DCUN1D2: variants seen among roughly 807,000 people sequenced by gnomAD.
The protein encoded by DCUN1D2 is defective in cullin neddylation 1 domain containing 2.
A neutral mutation model predicts 30.9 loss-of-function variants in DCUN1D2; 29 were observed. The observed-to-expected ratio is 0.94, with a 90% confidence interval of 0.70 to 1.28. The LOEUF is 1.28. Ranked by LOEUF, DCUN1D2 falls within the 50% of genes most tolerant of loss-of-function variation. DCUN1D2 has a pLI of 0.00. For synonymous variants in DCUN1D2, 121 were observed against 115.3 expected, an observed-to-expected ratio of 1.05 and a Z score of -0.32; for missense variants, 325 against 316.9, an observed-to-expected ratio of 1.03 and a Z score of -0.19.
rs183556615 is a variant in DCUN1D2 at position 113,455,957 on chromosome 13, A to T, written c.*2072T>A. On this transcript the variant is annotated 3_prime_UTR_variant, in exon 7 of 7. Coordinates refer to ENST00000478244, the MANE Select transcript of DCUN1D2 (RefSeq NM_001014283.2). The stretch of plus-strand genomic sequence containing the variant: ...GATTAATATTTTGATATCTATTGAC[A>T]ATCCCTTAGAACTTTAAATCTCAAA... 1.4e-4 allele frequency: 51 copies of T among 363,160 alleles called. No homozygotes were observed. Among genetic ancestry groups the T allele is most frequent in the African/African-American group, 9.2e-4 (44 of 48,062 alleles). The allele number at this position is 363,160 out of a possible 1,614,324, so 22.5% of individuals were successfully genotyped here.
chr13:113,460,714 G>C (rs897870753), intron 5 of DCUN1D2, among the ~76,000 whole-genome samples: 2 of 152,244 alleles, frequency 1.3e-5, no homozygotes, highest in Non-Finnish European at 2.9e-5. Context: ...GGAGTTCTCA[G>C]TGGAAAGACA....
chr13:113,480,773 T>C, intron 2 of DCUN1D2, 30 bp from the exon 3 acceptor site: 1 of 1,610,658 alleles, frequency 6.2e-7, no homozygotes. Flanking sequence ...AAAAGGAAGT[T>C]ATACTATTTT....
intron 4 of DCUN1D2, chr13:113,462,923 C>T: frequency 8.2e-7 from 1 of 1,221,748 alleles, no homozygotes; most frequent in Non-Finnish European, 1.0e-6. Context: ...AGTTTTATGG[C>T]ACACATTTAA....
At chr13:113,485,691 GCT>G (rs1156560025) in intron 1 of DCUN1D2, among the ~76,000 whole-genome samples, 3 of 151,538 alleles carry the variant, frequency 2.0e-5, no homozygotes, top group Non-Finnish European at 2.9e-5. Flanking sequence ...CAAAAAGCAT[GCT>G]GATGCCAAAA....
rs1310291084 is a variant in DCUN1D2 at position 113,480,579 on chromosome 13, G to A, written c.385C>T (p.Leu129Phe). Residue 129 changes from leucine (L) to phenylalanine (F), a missense_variant, in exon 3 of 7, where the codon CTT (leucine) becomes TTT (phenylalanine). Transcript: ENST00000478244. ...RKEFLDGMTE[L>F]GCDSMEKLKA... ...AGCTAAGAATAGTTGACTTACCCAA[G>A]TTCTGTCATGCCATCTAGAAATTCC... The A allele has an allele frequency of 3.1e-6, 5 of 1,613,824 alleles. No individual in the cohort carries two copies. The highest frequency in any genetic ancestry group is 4.2e-6 in the Non-Finnish European group (5 of 1,179,966).
chr13:113,463,629 G>C (rs2044354146), intron 4 of DCUN1D2, among the ~76,000 whole-genome samples: 1 of 151,918 alleles, frequency 6.6e-6, no homozygotes, highest in Non-Finnish European at 1.5e-5. Context: ...CATTAAAACA[G>C]AGCCAAGTAA....
chr13:113,489,318 C>G, intron 1 of DCUN1D2: 1 of 200,014 alleles, frequency 5.0e-6, no homozygotes, highest in Non-Finnish European at 8.9e-6. Flanking sequence ...CTCCTAAAAG[C>G]TGGAGCAAGC....
chr13:113,486,460 A>G (rs1229091165), intron 1 of DCUN1D2, among the ~76,000 whole-genome samples: 1 of 152,168 alleles, frequency 6.6e-6, no homozygotes, highest in Non-Finnish European at 1.5e-5. Context: ...TGACCTTTAT[A>G]ACAAACCTGC....
rs774492993 is a variant in DCUN1D2 at position 113,459,367 on chromosome 13, G to A, written c.645C>T (p.Leu215=). The part of the protein sequence containing the change: ...KRSIPRDTWN[L]LLDFGNMIAD... Reference sequence around the variant, plus strand: ...CAATCATGTTTCCAAAGTCCAGCAGGAGGTTCCAGGTGTCCCTTGGAATTG... The same window carrying A: ...CAATCATGTTTCCAAAGTCCAGCAGAAGGTTCCAGGTGTCCCTTGGAATTG... Residue 215 remains leucine (L), a synonymous_variant, in exon 6 of 7, where the codon CTC becomes CTT. Coordinates refer to ENST00000478244, the MANE Select transcript of DCUN1D2 (RefSeq NM_001014283.2). The A allele has an allele frequency of 6.2e-7, 1 of 1,603,262 alleles. No individual in the cohort carries two copies. The highest frequency in any genetic ancestry group is 1.1e-5 in the South Asian group (1 of 90,852).
chr13:113,482,428 C>T (rs1048265324), intron 2 of DCUN1D2, among the ~76,000 whole-genome samples: 6 of 152,146 alleles, frequency 3.9e-5, no homozygotes, highest in Admixed American at 1.3e-4. Flanking sequence ...ATTAGCTCAA[C>T]AATTAACTTA....
Position 113,458,071 on chromosome 13 carries a change from AT to A in DCUN1D2, c.737del (p.Tyr246LeufsTer5), listed in dbSNP as rs1486114697. ...WPVLIDDFVE[Y>X]ARPVVTGGKR... Reference sequence around the variant, plus strand: ...TTCCACCTGTGACTACTGGCCGTGCATATTCTACAAAATCATCTATAAGAAC... The same window carrying A: ...TTCCACCTGTGACTACTGGCCGTGCAATTCTACAAAATCATCTATAAGAAC... On this transcript the variant is annotated frameshift_variant, in exon 7 of 7. Coordinates refer to ENST00000478244, the MANE Select transcript of DCUN1D2 (RefSeq NM_001014283.2). LOFTEE classifies it low-confidence loss of function (END_TRUNC). 3 of 1,614,206 alleles carry A rather than the reference AT, an allele frequency of 1.9e-6. No individual in the cohort carries two copies. The highest frequency in any genetic ancestry group is 2.5e-6 in the Non-Finnish European group (3 of 1,180,042).
intron 4 of DCUN1D2, among the ~76,000 whole-genome samples, chr13:113,472,009 C>T (rs867159617): frequency 9.2e-5 from 14 of 152,098 alleles, no homozygotes; most frequent in African/African-American, 3.4e-4. Flanking sequence ...TGTTTTAAGT[C>T]GGGGGAGAGT....
chr13:113,486,969 T>G (rs1258005873), intron 1 of DCUN1D2, among the ~76,000 whole-genome samples: 1 of 152,234 alleles, frequency 6.6e-6, no homozygotes, highest in African/African-American at 2.4e-5. Context: ...GGGCTGTAGT[T>G]TGCCGACCCC....
chr13:113,490,632 AC>A lies in DCUN1D2; in HGVS notation c.3+34del. ...ACCTTGGGGCCCGACCCCGACCCCG[AC>A]CCCGACGGGCAGAGGCGACGCCGGG... On this transcript the variant is annotated intron_variant, in intron 1 of 6. Transcript: ENST00000478244. This position sits in a 1 kb window ranked among gnomAD's most constrained non-coding sequence, Gnocchi z 5.2. 8.1e-7 allele frequency: 1 copy of A among 1,228,308 alleles called. No homozygotes were observed. The highest frequency in any genetic ancestry group is 3.2e-5 in the South Asian group (1 of 31,290). The allele number at this position is 1,228,308 out of a possible 1,614,324, so 76.1% of individuals were successfully genotyped here.
upstream of DCUN1D2, chr13:113,491,280 A>G (rs112211337): frequency 0.072 from 10,979 of 152,502 alleles, 453 homozygotes; most frequent in African/African-American, 0.089. Flanking sequence ...CCCGGTGAGC[A>G]CCAGGCCCGT....
chr13:113,484,066 G>T lies in DCUN1D2; in HGVS notation c.4-10C>A. 1 of 1,612,762 alleles carries T rather than the reference G, an allele frequency of 6.2e-7. No homozygotes were observed. On this transcript the variant is annotated splice_polypyrimidine_tract_variant and intron_variant, in intron 1 of 6. Transcript: ENST00000478244. ...ACGATTTAAGCTTATGCTTTGGGAT[G>T]CAAAAGAAGTAGGAAAGCCAATGAA...
At chr13:113,462,914 G>C (rs766839512) in intron 4 of DCUN1D2, 1 of 1,234,528 alleles carries the variant, frequency 8.1e-7, no homozygotes, top group Non-Finnish European at 1.0e-6. Flanking sequence ...AAAAAATAAA[G>C]TTTTATGGCA....
At chr13:113,485,939 CCTAT>C (rs774818995) in intron 1 of DCUN1D2, among the ~76,000 whole-genome samples, 1 of 152,094 alleles carries the variant, frequency 6.6e-6, no homozygotes, top group Admixed American at 6.5e-5. Flanking sequence ...GATTCGAGAG[CCTAT>C]CTTTTATCAA....
intron 2 of DCUN1D2, among the ~76,000 whole-genome samples, chr13:113,481,363 ATATT>A (rs1304258585): frequency 2.6e-5 from 4 of 152,246 alleles, no homozygotes; most frequent in Admixed American, 6.5e-5. Flanking sequence ...ACAGTAAAAT[ATATT>A]TAAGGCATCC....
Sources: gnomAD v4.1 joint callset for allele counts (sites outside exome capture counted in the v4.1 genomes callset) on GRCh38, gnomAD v4.1.1 for gene constraint, Gnocchi (gnomAD v3.1) non-coding constraint, MANE v1.5 for transcripts, NCBI Gene and HGNC (gene_info 2026-07-23, HGNC 2026-07-21) for gene names.